The following KPNB1 variants were observed in gnomAD, a reference collection of about 807,000 sequenced individuals.
KPNB1 encodes the protein importin subunit beta-1.
A neutral mutation model predicts 113.0 loss-of-function variants in KPNB1; 7 were observed. The ratio of observed to expected loss-of-function variants is 0.06; its 90% CI spans 0.04 to 0.12. KPNB1 has a LOEUF of 0.12. KPNB1 is among the 10% of genes least tolerant of loss of function. The pLI is 1.00. For synonymous variants in KPNB1, 363 were observed against 378.6 expected (o/e 0.96, Z 0.48); for missense variants, 400 against 1,054.8 (o/e 0.38, Z 8.60).
At position 47,673,355 on chromosome 17, in the gene KPNB1, G is replaced by T. The variant is rs1016419575; in HGVS notation, c.1696-135G>T. ...TTTGTCATGGTTTACTCATATATGT[G>T]TTACACTATATGTATTATGGGTTTT... On this transcript the variant is annotated intron_variant, in intron 13 of 21. Transcript: ENST00000290158. 1.7e-5 allele frequency: 15 copies of T among 875,602 alleles called. No homozygotes were observed. The African/African-American group carries it at 2.5e-4, about 15-fold the overall frequency. The allele number at this position is 875,602 out of a possible 1,614,324, so 54.2% of individuals were successfully genotyped here.
At position 47,683,933 on chromosome 17, in the gene KPNB1, A is replaced by G. The variant is rs2030871979; in HGVS notation, c.*1529A>G. The G allele has an allele frequency of 6.6e-6, 1 of 152,228 alleles. No homozygotes were observed. The highest frequency in any genetic ancestry group is 1.5e-5 in the Non-Finnish European group (1 of 68,034). The allele number at this position is 152,228 out of a possible 1,614,324, so 9.4% of individuals were successfully genotyped here. ...ATCAGACTTAATTATTTTCCCTTTT[A>G]CAAGGGAACAGGGCATCCTGAATTT... On this transcript the variant is annotated 3_prime_UTR_variant, in exon 22 of 22. Transcript: ENST00000290158.
Position 47,652,894 on chromosome 17 carries a change from G to A in KPNB1, c.282+18G>A, listed in dbSNP as rs760801622. 2.6e-6 allele frequency: 4 copies of A among 1,537,862 alleles called. No individual in the cohort carries two copies. Among genetic ancestry groups the A allele is most frequent in the Non-Finnish European group, 3.5e-6 (4 of 1,144,782 alleles). On this transcript the variant is annotated intron_variant, in intron 3 of 21. Transcript: ENST00000290158. The stretch of plus-strand genomic sequence containing the variant: ...AGAACTATGTGAGTAACGCTTATCT[G>A]TTTGGTTATATTGCCCAGAGAACAA...
In KPNB1 at chr17:47,682,695, A is replaced by G. The variant is rs1475980047; in HGVS notation, c.*291A>G. The G allele has an allele frequency of 2.1e-6, 1 of 473,890 alleles. No individual in the cohort carries two copies. The highest frequency in any genetic ancestry group is 2.0e-5 in the African/African-American group (1 of 50,114). The allele number at this position is 473,890 out of a possible 1,614,324, so 29.4% of individuals were successfully genotyped here. A position where few individuals can be genotyped will look rare whatever the true frequency, so the allele number is the denominator to read the frequency against. ...GTTACTTATTTAAAAAAAAAGAAAGAAAGTTATCTCTTCCCAGGAGAGGCT... is the reference window on the plus strand; with the variant it reads ...GTTACTTATTTAAAAAAAAAGAAAGGAAGTTATCTCTTCCCAGGAGAGGCT... On this transcript the variant is annotated 3_prime_UTR_variant, in exon 22 of 22. Transcript: ENST00000290158.
intron 3 of KPNB1, 130 bp from the exon 4 acceptor site, chr17:47,656,730 A>G (rs1597924001): frequency 9.2e-6 from 8 of 866,446 alleles, no homozygotes; most frequent in South Asian, 1.6e-5. Flanking sequence ...TCCGGGCAAC[A>G]TAGTGAGACC....
intron 4 of KPNB1, 76 bp downstream of exon 4, chr17:47,657,136 A>G (rs1453204878): frequency 8.4e-7 from 1 of 1,196,480 alleles, no homozygotes; most frequent in East Asian, 2.5e-5. Flanking sequence ...TATTAGTACT[A>G]CCTTATTGAA....
Position 47,683,801 on chromosome 17 carries a change from G to A in KPNB1, c.*1397G>A, listed in dbSNP as rs1251866959. Reference sequence around the variant, plus strand: ...GTGATGAAAATGGCACTTGGAAAAGGTTTTATTTTTCCACTGAAGTTGAAG... The same window carrying A: ...GTGATGAAAATGGCACTTGGAAAAGATTTTATTTTTCCACTGAAGTTGAAG... On this transcript the variant is annotated 3_prime_UTR_variant, in exon 22 of 22. Transcript: ENST00000290158. The A allele has an allele frequency of 1.3e-5, 2 of 152,514 alleles. No homozygotes were observed. The highest frequency in any genetic ancestry group is 2.9e-5 in the Non-Finnish European group (2 of 68,014). The allele number at this position is 152,514 out of a possible 1,614,324, so 9.4% of individuals were successfully genotyped here.
At chr17:47,669,412 A>G (rs1235158277) in intron 10 of KPNB1, among the ~76,000 whole-genome samples, 2 of 152,348 alleles carry the variant, frequency 1.3e-5, no homozygotes, top group East Asian at 1.9e-4. Context: ...ATGAGCCATC[A>G]TCATGCCCGG....
chr17:47,659,476 G>A (rs2030023501), intron 5 of KPNB1, among the ~76,000 whole-genome samples: 1 of 152,148 alleles, frequency 6.6e-6, no homozygotes, highest in Admixed American at 6.6e-5. Context: ...TGGAGGCCGG[G>A]TGCTGGGGCT....
At chr17:47,670,905 T>C (rs1343216791) in intron 12 of KPNB1, 73 bp downstream of exon 12, 2 of 1,305,162 alleles carry the variant, frequency 1.5e-6, no homozygotes, top group African/African-American at 2.9e-5. Context: ...GGAGGATATC[T>C]AGCTTAATCA....
chr17:47,656,107 A>G (rs1915709282), intron 3 of KPNB1, among the ~76,000 whole-genome samples: 1 of 152,068 alleles, frequency 6.6e-6, no homozygotes. Flanking sequence ...TACAAAAACT[A>G]GCCGGGCATG....
chr17:47,682,482 T>G lies in KPNB1; in HGVS notation c.*78T>G. The G allele has an allele frequency of 2.6e-6, 2 of 775,848 alleles. No homozygotes were observed. Among genetic ancestry groups the G allele is most frequent in the Non-Finnish European group, 4.8e-6 (2 of 416,852 alleles). 48.1% of individuals were successfully genotyped at this position (775,848 alleles called of 1,614,324 possible). ...TTTTGAAAAACCTGGAAGTGAGGAGTGTGCACGGATGCTGAATGTTTGGGA... is the reference window on the plus strand; with the variant it reads ...TTTTGAAAAACCTGGAAGTGAGGAGGGTGCACGGATGCTGAATGTTTGGGA... On this transcript the variant is annotated 3_prime_UTR_variant, in exon 22 of 22. Transcript: ENST00000290158.
At chr17:47,651,566 C>G (rs1915570677) in intron 2 of KPNB1, among the ~76,000 whole-genome samples, 1 of 152,060 alleles carries the variant, frequency 6.6e-6, no homozygotes, top group Non-Finnish European at 1.5e-5. Context: ...GAGATTTTTC[C>G]ACTAGTATAG....
chr17:47,650,134 A>T lies in KPNB1; in HGVS notation c.-111A>T. ...GGGTTTGTGGTGACCCCCGCCCCCC[A>T]CCCCACCCTCCCTTCCCACCCGACC... On this transcript the variant is annotated 5_prime_UTR_variant, in exon 1 of 22. Transcript: ENST00000290158. 1.5e-5 allele frequency: 3 copies of T among 196,774 alleles called. No individual in the cohort carries two copies. The highest frequency in any genetic ancestry group is 1.0e-4 in the African/African-American group (1 of 9,610). The allele number at this position is 196,774 out of a possible 1,614,324, so 12.2% of individuals were successfully genotyped here.
rs761912022 is a variant in KPNB1, at chr17:47,668,401, A to G, written c.1215A>G (p.Leu405=). The change falls in exon 10 of 22, where the codon CTA becomes CTG. Residue 405 remains leucine (L), a synonymous_variant. Transcript: ENST00000290158. ...CAGAGCCCAGTCAGCTCAAACCACT[A>G]GTTATACAGGTGAAACTGAGGGATT... is the stretch of plus-strand genomic sequence containing the variant. ...EGPEPSQLKP[L]VIQAMPTLIE... The G allele has an allele frequency of 7.4e-6, 12 of 1,613,640 alleles. No individual in the cohort carries two copies. Among genetic ancestry groups the G allele is most frequent in the African/African-American group, 1.3e-5 (1 of 74,922 alleles).
At chr17:47,677,857 G>T (rs2030659741) in intron 17 of KPNB1, among the ~76,000 whole-genome samples, 189 bp from the exon 18 acceptor site, 1 of 152,232 alleles carries the variant, frequency 6.6e-6, no homozygotes, top group South Asian at 2.1e-4. Context: ...CATGTGTAAA[G>T]TGGGAATACC....
At chr17:47,650,559 C>A (rs995499742) in intron 2 of KPNB1, 115 bp downstream of exon 2, 2 of 752,394 alleles carry the variant, frequency 2.7e-6, no homozygotes, top group African/African-American at 1.8e-5. Context: ...ATCCCGTCCC[C>A]CTCCCCCCTC....
chr17:47,669,302 A>G (rs964623893), intron 10 of KPNB1, among the ~76,000 whole-genome samples: 1 of 152,114 alleles, frequency 6.6e-6, no homozygotes, highest in Non-Finnish European at 1.5e-5. Context: ...ACCGGGTTTC[A>G]TCATGTTGGT....
At chr17:47,681,705 T>C (rs1468760266) in intron 21 of KPNB1, among the ~76,000 whole-genome samples, 5 of 144,772 alleles carry the variant, frequency 3.5e-5, no homozygotes, top group Admixed American at 3.4e-4. Context: ...TTTTTTTTTT[T>C]TTTTTTGTAT....
chr17:47,651,973 C>G (rs1432558905), intron 2 of KPNB1, among the ~76,000 whole-genome samples: 1 of 152,198 alleles, frequency 6.6e-6, no homozygotes, highest in Non-Finnish European at 1.5e-5. Context: ...AGTTATTTTG[C>G]TTGAACAGCT....
Sources: allele counts gnomAD v4.1 joint callset (sites outside exome capture counted in the v4.1 genomes callset), GRCh38; gene constraint gnomAD v4.1.1; transcripts MANE v1.5; gene names NCBI Gene and HGNC (gene_info 2026-07-23, HGNC 2026-07-21).